Variants in S100PBP observed in about 807,000 individuals in gnomAD.
S100PBP encodes the protein S100P binding protein, also known as S100P-binding protein.
Under a neutral mutation model 39.9 loss-of-function variants are expected in S100PBP, and 15 were observed. That is an observed-to-expected ratio of 0.38 (90% CI 0.25 to 0.58). S100PBP has a LOEUF of 0.58. S100PBP is among the 20% of genes least tolerant of loss of function. S100PBP has a pLI of 0.70. For missense variants in S100PBP, 504 were observed against 487.3 expected, an observed-to-expected ratio of 1.03 and a Z score of -0.32; for synonymous variants, 178 against 180.3, an observed-to-expected ratio of 0.99 and a Z score of 0.10.
intron 5 of S100PBP, among the ~76,000 whole-genome samples, chr1:32,839,636 A>T (rs1198628322): frequency 6.6e-6 from 1 of 151,950 alleles, no homozygotes; most frequent in Non-Finnish European, 1.5e-5. Flanking sequence ...CAGTCTCCTG[A>T]ATAAGGTTAA....
intron 3 of S100PBP, among the ~76,000 whole-genome samples, chr1:32,827,783 G>GGTTTTTTTTTTTT (rs1281476870): frequency 1.5e-5 from 2 of 130,424 alleles, no homozygotes; most frequent in Non-Finnish European, 3.2e-5. Context: ...ACCTGGCCAG[G>GGTTTTTTTTTTTT]TTTTTTTTTT....
rs545263865 is a variant in S100PBP, at chr1:32,828,852, A to G, written c.920+771A>G. Among the ~76,000 whole-genome samples, 4 of 152,208 alleles carry G rather than the reference A, an allele frequency of 2.6e-5. No individual in the cohort carries two copies. In the East Asian group the frequency reaches 7.7e-4, roughly 29 times the overall value. Reference sequence around the variant, plus strand: ...GCCACCTCTACTAAAAATACAAAAAAATACCCAGGTGTGGTGGTGCACACC... The same window carrying G: ...GCCACCTCTACTAAAAATACAAAAAGATACCCAGGTGTGGTGGTGCACACC... On this transcript the variant is annotated intron_variant, in intron 4 of 6. Coordinates refer to ENST00000373475, the MANE Select transcript of S100PBP (RefSeq NM_022753.4).
At chr1:32,849,597 GAGTT>G (rs975070895) in intron 5 of S100PBP, among the ~76,000 whole-genome samples, 1 of 152,204 alleles carries the variant, frequency 6.6e-6, no homozygotes, top group Non-Finnish European at 1.5e-5. Context: ...TTCATAATAA[GAGTT>G]AGGCTAGTCT....
chr1:32,839,229 A>G lies in S100PBP; in HGVS notation c.1024+9162A>G, dbSNP rs76531139. Among the ~76,000 whole-genome samples, 1,182 of 152,304 alleles carry G rather than the reference A, an allele frequency of 7.8e-3. 16 individuals are homozygous for G. The highest frequency in any genetic ancestry group is 0.026 in the African/African-American group (1,093 of 41,572). ...TACCTCACATAAGTGGAGTCAGACA[A>G]AGTGGTATTTGTCTTTTCGTGACTG... On this transcript the variant is annotated intron_variant, in intron 5 of 6. Coordinates refer to ENST00000373475, the MANE Select transcript of S100PBP (RefSeq NM_022753.4).
chr1:32,854,259 G>A (rs1336651244), intron 6 of S100PBP, among the ~76,000 whole-genome samples: 6 of 152,062 alleles, frequency 3.9e-5, no homozygotes, highest in Admixed American at 6.5e-5. Context: ...AGATGCTCAC[G>A]TTCCTTATAT....
At chr1:32,849,505 C>G (rs1380583783) in intron 5 of S100PBP, among the ~76,000 whole-genome samples, 1 of 152,154 alleles carries the variant, frequency 6.6e-6, no homozygotes, top group Non-Finnish European at 1.5e-5. Context: ...AGGATACATG[C>G]AAAGCAGTTA....
chr1:32,847,445 G>A (rs1640428212), intron 5 of S100PBP: 1 of 152,112 alleles, frequency 6.6e-6, no homozygotes, highest in African/African-American at 2.4e-5. Flanking sequence ...CTAGTTTCTA[G>A]TAGCTTACAG....
intron 5 of S100PBP, chr1:32,846,902 T>G (rs1219099458): frequency 6.6e-6 from 1 of 152,224 alleles, no homozygotes; most frequent in East Asian, 1.9e-4. Context: ...TGCCTCAGCC[T>G]CCCTAGTAGC....
chr1:32,826,017 A>G (rs1228276221), intron 2 of S100PBP, 81 bp from the exon 3 acceptor site: 2 of 958,728 alleles, frequency 2.1e-6, no homozygotes, highest in East Asian at 2.4e-5. Flanking sequence ...GAAATACTAG[A>G]ACATTACCCA....
chr1:32,853,759 T>C (rs1003315037), intron 6 of S100PBP, among the ~76,000 whole-genome samples: 2 of 151,996 alleles, frequency 1.3e-5, no homozygotes, highest in African/African-American at 4.8e-5. Context: ...TAACTGGGCA[T>C]GGTGGTGTGT....
chr1:32,851,220 C>T (rs770794759), intron 5 of S100PBP, among the ~76,000 whole-genome samples: 3 of 152,082 alleles, frequency 2.0e-5, no homozygotes, highest in Non-Finnish European at 2.9e-5. Flanking sequence ...TTACATTTAT[C>T]CTAAAAGTGA....
rs879071555 is a variant in S100PBP, at chr1:32,826,710, ACT to A, written c.614_615del (p.Ser205CysfsTer13). 1 of 1,613,930 alleles carries A rather than the reference ACT, an allele frequency of 6.2e-7. No individual in the cohort carries two copies. The highest frequency in any genetic ancestry group is 1.3e-5 in the African/African-American group (1 of 74,900). Reference sequence around the variant, plus strand: ...GAATCTGAAGGGATCAGCCCCAATAACTCTGCCTGGAATGGGCCCCAGCTCTC... The same window carrying A: ...GAATCTGAAGGGATCAGCCCCAATAACTGCCTGGAATGGGCCCCAGCTCTC... On this transcript the variant is annotated frameshift_variant, in exon 3 of 7. Coordinates refer to ENST00000373475, the MANE Select transcript of S100PBP (RefSeq NM_022753.4). LOFTEE classifies it high-confidence loss of function.
intron 5 of S100PBP, among the ~76,000 whole-genome samples, chr1:32,848,094 G>A (rs1174437375): frequency 6.6e-6 from 1 of 152,144 alleles, no homozygotes; most frequent in Non-Finnish European, 1.5e-5. Context: ...GGATCATGAA[G>A]TCAGGAGTTC....
At chr1:32,847,269 C>G (rs963970363) in intron 5 of S100PBP, 1 of 152,166 alleles carries the variant, frequency 6.6e-6, no homozygotes, top group Non-Finnish European at 1.5e-5. Flanking sequence ...CTGATGAAGT[C>G]TCTCTGCTTT....
At chr1:32,834,116 CA>C (rs1639718257) in intron 5 of S100PBP, 4 of 211,890 alleles carry the variant, frequency 1.9e-5, no homozygotes, top group Admixed American at 5.8e-5. Flanking sequence ...GGTCCTGCCC[CA>C]AAAAATTGTA....
At chr1:32,832,866 A>C (rs969219617) in intron 5 of S100PBP, among the ~76,000 whole-genome samples, 7 of 152,182 alleles carry the variant, frequency 4.6e-5, no homozygotes, top group Non-Finnish European at 1.0e-4. Context: ...TGGGTTAGTT[A>C]TCTCTTTTCA....
intron 6 of S100PBP, among the ~76,000 whole-genome samples, chr1:32,855,644 T>C (rs1208875824): frequency 1.3e-5 from 2 of 152,150 alleles, no homozygotes; most frequent in African/African-American, 4.8e-5. Context: ...TATTCTACAT[T>C]AGTTTTCCTT....
rs2148706477 is a variant in S100PBP, at chr1:32,858,533, CTT to C, written c.*2496_*2497del. 1 of 152,478 alleles carries C rather than the reference CTT, an allele frequency of 6.6e-6. No homozygotes were observed. Among genetic ancestry groups the C allele is most frequent in the Non-Finnish European group, 1.5e-5 (1 of 68,018 alleles). 9.4% of individuals were successfully genotyped at this position (152,478 alleles called of 1,614,324 possible). ...CATCTCTTTTCAAAGCTGCATATCT[CTT>C]ATATTTGGTATTGGCCTCTAAGTCT... is the stretch of plus-strand genomic sequence containing the variant. On this transcript the variant is annotated 3_prime_UTR_variant, in exon 7 of 7. Transcript: ENST00000373475.
chr1:32,847,307 A>G (rs919441775), intron 5 of S100PBP: 12 of 152,268 alleles, frequency 7.9e-5, no homozygotes, highest in African/African-American at 2.9e-4. Context: ...TTTTGCCTTC[A>G]TTTAAAAAAC....
Sources: allele counts gnomAD v4.1 joint callset (sites outside exome capture counted in the v4.1 genomes callset), GRCh38; gene constraint gnomAD v4.1.1; transcripts MANE v1.5; gene names NCBI Gene and HGNC (gene_info 2026-07-23, HGNC 2026-07-21).